Variants in AKAP7 observed in about 807,000 individuals in gnomAD.
AKAP7 encodes A-kinase anchoring protein 7, also known as A kinase (PRKA) anchor protein 7.
Under a neutral mutation model 39.5 loss-of-function variants are expected in AKAP7, and 39 were observed. The observed-to-expected ratio is 0.99, with a 90% confidence interval of 0.76 to 1.29. The LOEUF (loss-of-function observed/expected upper bound fraction) is 1.29. Among genes scored for constraint, AKAP7 ranks in the 50% most tolerant of loss-of-function variants. The pLI is 0.00. For missense variants in AKAP7, 414 were observed against 407.7 expected (o/e 1.02, Z -0.13); for synonymous variants, 140 against 139.1 (o/e 1.01, Z -0.05).
chr6:131,213,417 G>C (rs949141582), intron 6 of AKAP7, among the ~76,000 whole-genome samples: 11 of 152,348 alleles, frequency 7.2e-5, no homozygotes, highest in African/African-American at 2.4e-4. Flanking sequence ...AGTTGTAAGT[G>C]TATGTGGGAG....
chr6:131,197,620 A>C (rs1402568648), intron 5 of AKAP7, among the ~76,000 whole-genome samples: 2 of 151,978 alleles, frequency 1.3e-5, no homozygotes, highest in Non-Finnish European at 2.9e-5. Context: ...ATTGTTTTCA[A>C]ATTTACCAAT....
chr6:131,272,836 G>A (rs1422793815), intron 7 of AKAP7, among the ~76,000 whole-genome samples: 1 of 152,088 alleles, frequency 6.6e-6, no homozygotes, highest in Non-Finnish European at 1.5e-5. Flanking sequence ...TGGCTGGAGG[G>A]TTCTGTAATT....
chr6:131,225,120 T>A (rs1323242333), intron 7 of AKAP7, among the ~76,000 whole-genome samples: 1 of 152,166 alleles, frequency 6.6e-6, no homozygotes, highest in African/African-American at 2.4e-5. Context: ...AATTCTTCTG[T>A]CATGTCTTTG....
chr6:131,247,270 TATA>T (rs1562241655), intron 7 of AKAP7, among the ~76,000 whole-genome samples: 1 of 1,960 alleles, frequency 5.1e-4, no homozygotes, highest in East Asian at 9.4e-3. Flanking sequence ...ATTTCATATG[TATA>T]TATATATATA....
rs534341784 is a variant in AKAP7, at chr6:131,241,233, A to T, written c.850+21425A>T. Among the ~76,000 whole-genome samples the T allele has an allele frequency of 5.3e-5, 8 of 152,298 alleles. 1 individual carries two copies. The South Asian group carries it at 1.7e-3, about 32-fold the overall frequency. Reference sequence around the variant, plus strand: ...AGACCAATAAGTAGGCAGGAATGGTAGTCTAGGCAGGTCATGATAATTGCC... The same window carrying T: ...AGACCAATAAGTAGGCAGGAATGGTTGTCTAGGCAGGTCATGATAATTGCC... On this transcript the variant is annotated intron_variant, in intron 7 of 7. Transcript: ENST00000431975.
Position 131,275,571 on chromosome 6 carries a change from C to G in AKAP7, c.851-5959C>G, listed in dbSNP as rs796320453. Among the ~76,000 whole-genome samples the G allele has an allele frequency of 1.9e-4, 29 of 152,262 alleles. 1 individual carries two copies. Among genetic ancestry groups the G allele is most frequent in the African/African-American group, 6.7e-4 (28 of 41,542 alleles). On this transcript the variant is annotated intron_variant, in intron 7 of 7. Transcript: ENST00000431975. ...ATGTCACAGACTGACAGAGAAAAGT[C>G]TCTAAGGGGCTGTGCTGGGATATCA...
chr6:131,251,616 G>C (rs1812455313), intron 7 of AKAP7, among the ~76,000 whole-genome samples: 1 of 152,116 alleles, frequency 6.6e-6, no homozygotes, highest in African/African-American at 2.4e-5. Flanking sequence ...AAATAAGACA[G>C]TTTTTACAGT....
At chr6:131,160,569 A>G (rs1802850637) in intron 3 of AKAP7, among the ~76,000 whole-genome samples, 1 of 152,198 alleles carries the variant, frequency 6.6e-6, no homozygotes, top group Non-Finnish European at 1.5e-5. Flanking sequence ...GTGTTGCCAG[A>G]TGGCATGTCA....
At chr6:131,250,984 T>C (rs1410689285) in intron 7 of AKAP7, among the ~76,000 whole-genome samples, 5 of 152,232 alleles carry the variant, frequency 3.3e-5, no homozygotes, top group Non-Finnish European at 5.9e-5. Flanking sequence ...ATTTTTCTTA[T>C]CTGAAACTGG....
intron 1 of AKAP7, among the ~76,000 whole-genome samples, chr6:131,138,839 A>C (rs974346048): frequency 1.3e-5 from 2 of 152,196 alleles, no homozygotes; most frequent in Non-Finnish European, 2.9e-5. Flanking sequence ...TCAAGCATGC[A>C]CTTAAATGTT....
chr6:131,188,908 A>G (rs573555426), intron 5 of AKAP7, among the ~76,000 whole-genome samples: 5 of 152,270 alleles, frequency 3.3e-5, no homozygotes, highest in African/African-American at 1.2e-4. Context: ...GAAATAATAT[A>G]TAGAGATACT....
Position 131,281,461 on chromosome 6 carries a change from G to A in AKAP7, c.851-69G>A, listed in dbSNP as rs1815182889. 10 of 1,291,388 alleles carry A rather than the reference G, an allele frequency of 7.7e-6. No homozygotes were observed. The highest frequency in any genetic ancestry group is 3.4e-5 in the South Asian group (2 of 59,126). The allele number at this position is 1,291,388 out of a possible 1,614,324, so 80.0% of individuals were successfully genotyped here. On this transcript the variant is annotated intron_variant, in intron 7 of 7. Coordinates refer to ENST00000431975, the MANE Select transcript of AKAP7 (RefSeq NM_016377.4). The surrounding 1 kb of genome is among the most constrained non-coding windows in gnomAD (Gnocchi z 4.0). ...CTCTTTTTAACCAATGGAACTAGCC[G>A]GCCCCTGCATGCCAAGTTTCTATGG...
intron 7 of AKAP7, among the ~76,000 whole-genome samples, chr6:131,220,266 C>T (rs969072486): frequency 3.9e-5 from 6 of 152,122 alleles, no homozygotes; most frequent in Non-Finnish European, 7.4e-5. Flanking sequence ...TCACTTTCTT[C>T]CCTAAAAAAG....
chr6:131,157,515 A>G (rs1729830126), intron 2 of AKAP7, among the ~76,000 whole-genome samples: 3 of 152,220 alleles, frequency 2.0e-5, no homozygotes, highest in South Asian at 4.1e-4. Flanking sequence ...TCTGTTTAAA[A>G]TTAGTATATT....
chr6:131,138,731 CAGTT>C (rs1326950501), intron 1 of AKAP7, among the ~76,000 whole-genome samples: 2 of 152,176 alleles, frequency 1.3e-5, no homozygotes, highest in East Asian at 1.9e-4. Context: ...CTTATTTAAT[CAGTT>C]AGTTTGTAAA....
chr6:131,128,195 A>G, the AKAP7 span, among the ~76,000 whole-genome samples: 1 of 152,226 alleles, frequency 6.6e-6, no homozygotes, highest in African/African-American at 2.4e-5. Context: ...AAAATAATGG[A>G]TTTTATAAAG....
At chr6:131,202,693 G>T (rs1002961929) in intron 6 of AKAP7, among the ~76,000 whole-genome samples, 1 of 151,210 alleles carries the variant, frequency 6.6e-6, no homozygotes, top group African/African-American at 2.4e-5. Context: ...ACACCAGCAT[G>T]GCACATGTAT....
chr6:131,208,665 C>A (rs760709280), intron 6 of AKAP7, among the ~76,000 whole-genome samples: 10 of 152,312 alleles, frequency 6.6e-5, no homozygotes, highest in Non-Finnish European at 1.3e-4. Context: ...TAAAGTTAAT[C>A]AAATTCTTTA....
intron 2 of AKAP7, among the ~76,000 whole-genome samples, chr6:131,157,949 C>T (rs1165715301): frequency 2.0e-5 from 3 of 152,028 alleles, no homozygotes; most frequent in Non-Finnish European, 2.9e-5. Flanking sequence ...CTTAGTTTAC[C>T]CCATTTTGTA....
Sources: allele counts gnomAD v4.1 joint callset (sites outside exome capture counted in the v4.1 genomes callset), GRCh38; gene constraint gnomAD v4.1.1; non-coding constraint Gnocchi (gnomAD v3.1); transcripts MANE v1.5; gene names NCBI Gene and HGNC (gene_info 2026-07-23, HGNC 2026-07-21).